Variants in PNMA8B observed in about 807,000 individuals in gnomAD.
PNMA8B encodes the protein paraneoplastic antigen-like protein 8B.
For synonymous variants in PNMA8B, 386 were observed against 394.9 expected, an observed-to-expected ratio of 0.98 and a Z score of 0.27; for missense variants, 887 against 885.8, an observed-to-expected ratio of 1.00 and a Z score of -0.02.
rs1970044533 is a variant in PNMA8B at position 46,493,807 on chromosome 19, G to A, written c.1659C>T (p.Thr553=). The change falls in exon 1 of 1, where the codon ACC becomes ACT. Residue 553 remains threonine, a synonymous_variant. Coordinates refer to ENST00000599531, the MANE Select transcript of PNMA8B (RefSeq NM_020709.3). The surrounding 1 kb of genome is among the most constrained non-coding windows in gnomAD (Gnocchi z 5.3). ...RGLTPAGAPP[T]ASGARKTRAG... is the part of the protein sequence containing the mutation. ...CGCGGGTTTTGCGGGCCCCGGAAGC[G>A]GTGGGAGGCGCGCCGGCCGGAGTCA... The A allele has an allele frequency of 2.9e-6, 4 of 1,364,760 alleles. No homozygotes were observed. The highest frequency in any genetic ancestry group is 3.7e-5 in the Admixed American group (1 of 26,814). The allele number at this position is 1,364,760 out of a possible 1,614,324, so 84.5% of individuals were successfully genotyped here. A position where few individuals can be genotyped will look rare whatever the true frequency, so the allele number is the denominator to read the frequency against.
In PNMA8B at chr19:46,494,136, C is replaced by T. The variant is rs1314045753; in HGVS notation, c.1330G>A (p.Asp444Asn). ...ACCAGCTCCAGAAGACCCCCTTCGT[C>T]CTCACGGTGCTCGCTCCAGCCCCCG... ...LFGGWSEHRE[D>N]EGGLLELVAL... The change falls in exon 1 of 1, where the codon GAC becomes AAC. Residue 444 changes from aspartate to asparagine, a missense_variant. Coordinates refer to ENST00000599531, the MANE Select transcript of PNMA8B (RefSeq NM_020709.3). The T allele has an allele frequency of 6.2e-7, 1 of 1,611,338 alleles. No individual in the cohort carries two copies. Among genetic ancestry groups the T allele is most frequent in the Non-Finnish European group, 8.5e-7 (1 of 1,179,866 alleles).
rs1175948580 is a variant in PNMA8B, at chr19:46,493,732, C to T, written c.1734G>A (p.Gly578=). 2.1e-5 allele frequency: 31 copies of T among 1,493,050 alleles called. No homozygotes were observed. The highest frequency in any genetic ancestry group is 2.7e-5 in the Non-Finnish European group (30 of 1,129,024). The allele number at this position is 1,493,050 out of a possible 1,614,324, so 92.5% of individuals were successfully genotyped here. A position where few individuals can be genotyped will look rare whatever the true frequency, so the allele number is the denominator to read the frequency against. The change falls in exon 1 of 1, where the codon GGG becomes GGA. Residue 578 remains glycine (G), a synonymous_variant. Transcript: ENST00000599531. This position sits in a 1 kb window ranked among gnomAD's most constrained non-coding sequence, Gnocchi z 5.3. Reference sequence around the variant, plus strand: ...CGTCGTCCTGGGCCGAGCCCCGGCTCCCGGCTTTCTTCTCGGGAGTGACGC... The same window carrying T: ...CGTCGTCCTGGGCCGAGCCCCGGCTTCCGGCTTTCTTCTCGGGAGTGACGC... ...GRGVTPEKKA[G]SRGSAQDDAA...
rs947531026 is a variant in PNMA8B at position 46,492,833 on chromosome 19, A to C, written c.*725T>G. 1 of 153,136 alleles carries C rather than the reference A, an allele frequency of 6.5e-6. No individual in the cohort carries two copies. The highest frequency in any genetic ancestry group is 2.4e-5 in the African/African-American group (1 of 41,498). The allele number at this position is 153,136 out of a possible 1,614,324, so 9.5% of individuals were successfully genotyped here. On this transcript the variant is annotated 3_prime_UTR_variant, in exon 1 of 1. Transcript: ENST00000599531. Reference sequence around the variant, plus strand: ...ACAAATTCAACTTGTGGTCAGGGGCAGGTGGCCTTGGCCTGGGGCTGGTTC... The same window carrying C: ...ACAAATTCAACTTGTGGTCAGGGGCCGGTGGCCTTGGCCTGGGGCTGGTTC...
chr19:46,491,800 C>G lies in PNMA8B; in HGVS notation c.*1758G>C, dbSNP rs1284307093. Reference sequence around the variant, plus strand: ...AGACCGTGGACATCTGTGGCCCACGCTCCCACACCCCGCCTGCCCCACTGC... The same window carrying G: ...AGACCGTGGACATCTGTGGCCCACGGTCCCACACCCCGCCTGCCCCACTGC... On this transcript the variant is annotated 3_prime_UTR_variant, in exon 1 of 1. Coordinates refer to ENST00000599531, the MANE Select transcript of PNMA8B (RefSeq NM_020709.3). The G allele has an allele frequency of 6.4e-6, 1 of 155,270 alleles. No homozygotes were observed. Among genetic ancestry groups the G allele is most frequent in the Admixed American group, 6.5e-5 (1 of 15,354 alleles). The allele number at this position is 155,270 out of a possible 1,614,324, so 9.6% of individuals were successfully genotyped here. A position where few individuals can be genotyped will look rare whatever the true frequency, so the allele number is the denominator to read the frequency against.
rs543855076 is a variant in PNMA8B at position 46,495,333 on chromosome 19, G to A, written c.133C>T (p.Pro45Ser). The change falls in exon 1 of 1, where the codon CCC becomes TCC. Residue 45 changes from proline (P) to serine (S), a missense_variant. Coordinates refer to ENST00000599531, the MANE Select transcript of PNMA8B (RefSeq NM_020709.3). ...VEAVLQPTLL[P>S]LGTFRLRHMK... ...TGTCGCAACCTGAACGTGCCCAGGGGCAGGAGGGTCGGCTGCAGGACGGCT... is the reference window on the plus strand; with the variant it reads ...TGTCGCAACCTGAACGTGCCCAGGGACAGGAGGGTCGGCTGCAGGACGGCT... The A allele has an allele frequency of 2.1e-5, 27 of 1,292,612 alleles. No homozygotes were observed. Among genetic ancestry groups the A allele is most frequent in the Middle Eastern group, 3.6e-4 (2 of 5,482 alleles). 80.1% of individuals were successfully genotyped at this position (1,292,612 alleles called of 1,614,324 possible). A position where few individuals can be genotyped will look rare whatever the true frequency, so the allele number is the denominator to read the frequency against.
Position 46,492,353 on chromosome 19 carries a change from C to A in PNMA8B, c.*1205G>T. The A allele has an allele frequency of 3.7e-6, 1 of 270,098 alleles. No individual in the cohort carries two copies. Among genetic ancestry groups the A allele is most frequent in the Admixed American group, 4.6e-5 (1 of 21,506 alleles). The allele number at this position is 270,098 out of a possible 1,614,324, so 16.7% of individuals were successfully genotyped here. On this transcript the variant is annotated 3_prime_UTR_variant, in exon 1 of 1. Transcript: ENST00000599531. ...GTTGCAGGAGCTGAAGCATACGGCA[C>A]GGCACGGCACAGACTCACATACAAC... is the stretch of plus-strand genomic sequence containing the variant.
rs1327080845 is a variant in PNMA8B, at chr19:46,494,248, C to T, written c.1218G>A (p.Gly406=). The stretch of plus-strand genomic sequence containing the variant: ...TGCACTCCCGGAGGTCCCCGTCATC[C>T]CCGGCCTTGCGCAGGACCACGGCGT... ...EVDAVVLRKA[G]DDGDLRECIS... Residue 406 remains glycine (G), a synonymous_variant, in exon 1 of 1, where the codon GGG becomes GGA. Coordinates refer to ENST00000599531, the MANE Select transcript of PNMA8B (RefSeq NM_020709.3). The T allele has an allele frequency of 6.2e-7, 1 of 1,609,476 alleles. No individual in the cohort carries two copies. Among genetic ancestry groups the T allele is most frequent in the Non-Finnish European group, 8.5e-7 (1 of 1,179,618 alleles).
rs1236369908 is a variant in PNMA8B at position 46,494,908 on chromosome 19, C to T, written c.558G>A (p.Pro186=). The T allele has an allele frequency of 5.6e-6, 9 of 1,611,736 alleles. No homozygotes were observed. The highest frequency in any genetic ancestry group is 7.6e-6 in the Non-Finnish European group (9 of 1,179,880). ...KGKKRSRGGR[P]SAPARSEAED... ...CGGCCTCACTCCTCGCGGGAGCAGA[C>T]GGCCGTCCTCCTCGGCTTCTCTTCT... The change falls in exon 1 of 1, where the codon CCG becomes CCA. Residue 186 remains proline, a synonymous_variant. Coordinates refer to ENST00000599531, the MANE Select transcript of PNMA8B (RefSeq NM_020709.3).
At position 46,493,508 on chromosome 19, in the gene PNMA8B, G is replaced by C; in HGVS notation, c.*50C>G. On this transcript the variant is annotated 3_prime_UTR_variant, in exon 1 of 1. Transcript: ENST00000599531. This position sits in a 1 kb window ranked among gnomAD's most constrained non-coding sequence, Gnocchi z 5.3. ...GGGAGGGCGGGGGCCACAGGCGGGC[G>C]GGTGCCCTGCGGGGCCTGCTCGCAG... The C allele has an allele frequency of 1.7e-6, 2 of 1,196,330 alleles. No homozygotes were observed. Among genetic ancestry groups the C allele is most frequent in the East Asian group, 3.2e-5 (1 of 31,452 alleles). The allele number at this position is 1,196,330 out of a possible 1,614,324, so 74.1% of individuals were successfully genotyped here.
At position 46,494,441 on chromosome 19, in the gene PNMA8B, G is replaced by A; in HGVS notation, c.1025C>T (p.Ser342Leu). The stretch of plus-strand genomic sequence containing the variant: ...CATCTCCTCCCGGGCCCAGGGGTCC[G>A]ACGGGTCGGTATAGGCCACAATGGC... ...FVAIVAYTDP[S>L]DPWAREEMLK... Residue 342 changes from serine (S) to leucine (L), a missense_variant, in exon 1 of 1, where the codon TCG (serine) becomes TTG (leucine). By Grantham distance (145) the Ser-to-Leu change is moderately radical. Transcript: ENST00000599531. The A allele has an allele frequency of 6.2e-7, 1 of 1,613,968 alleles. No homozygotes were observed. Among genetic ancestry groups the A allele is most frequent in the East Asian group, 2.2e-5 (1 of 44,882 alleles).
Position 46,495,682 on chromosome 19 carries a change from C to T in PNMA8B, c.-217G>A. 1.7e-6 allele frequency: 1 copy of T among 590,562 alleles called. No individual in the cohort carries two copies. Among genetic ancestry groups the T allele is most frequent in the Non-Finnish European group, 3.0e-6 (1 of 328,974 alleles). 36.6% of individuals were successfully genotyped at this position (590,562 alleles called of 1,614,324 possible). Reference sequence around the variant, plus strand: ...AGTGACCTTCCCCCGGGACCCCTCTCCAGAGCTGTCTGAGGATCCGCGGGG... The same window carrying T: ...AGTGACCTTCCCCCGGGACCCCTCTTCAGAGCTGTCTGAGGATCCGCGGGG... On this transcript the variant is annotated 5_prime_UTR_variant, in exon 1 of 1. Transcript: ENST00000599531.
chr19:46,493,919 T>C lies in PNMA8B; in HGVS notation c.1547A>G (p.Glu516Gly). ...ASDEQSEEES[E>G]DTESEASEPE... ...CTCCGACGCCTCGCTCTCGGTGTCC[T>C]CCGACTCCTCCTCGGACTGTTCGTC... The change falls in exon 1 of 1, where the codon GAG (glutamate) becomes GGG (glycine). Residue 516 changes from glutamate to glycine, a missense_variant. Coordinates refer to ENST00000599531, the MANE Select transcript of PNMA8B (RefSeq NM_020709.3). This position sits in a 1 kb window ranked among gnomAD's most constrained non-coding sequence, Gnocchi z 5.3. 5 of 1,589,406 alleles carry C rather than the reference T, an allele frequency of 3.1e-6. No homozygotes were observed. The highest frequency in any genetic ancestry group is 4.3e-6 in the Non-Finnish European group (5 of 1,168,114).
In PNMA8B at chr19:46,493,606, G is replaced by A; in HGVS notation, c.1860C>T (p.Arg620=). 1.3e-6 allele frequency: 2 copies of A among 1,492,594 alleles called. No individual in the cohort carries two copies. The highest frequency in any genetic ancestry group is 1.8e-6 in the Non-Finnish European group (2 of 1,132,274). The allele number at this position is 1,492,594 out of a possible 1,614,324, so 92.5% of individuals were successfully genotyped here. The stretch of plus-strand genomic sequence containing the variant: ...TCCGGCCCCGACGGGCCTTCTTCCC[G>A]CGCGCGGCCTTGGATCCAGTGGGCG... The part of the protein sequence containing the change: ...GQAPTGSKAA[R]GKKARRGRRL... Residue 620 remains arginine (R), a synonymous_variant, in exon 1 of 1, where the codon CGC becomes CGT. Coordinates refer to ENST00000599531, the MANE Select transcript of PNMA8B (RefSeq NM_020709.3). This position sits in a 1 kb window ranked among gnomAD's most constrained non-coding sequence, Gnocchi z 5.3.
Position 46,492,008 on chromosome 19 carries a change from G to A in PNMA8B, c.*1550C>T. The A allele has an allele frequency of 4.1e-6, 1 of 245,202 alleles. No individual in the cohort carries two copies. Among genetic ancestry groups the A allele is most frequent in the Admixed American group, 4.8e-5 (1 of 20,846 alleles). The allele number at this position is 245,202 out of a possible 1,614,324, so 15.2% of individuals were successfully genotyped here. The stretch of plus-strand genomic sequence containing the variant: ...GGTACACCCAGCCTGGTCCTCAGTG[G>A]GTGGGTCACTGTCCAGGGACAGCCT... On this transcript the variant is annotated 3_prime_UTR_variant, in exon 1 of 1. Transcript: ENST00000599531.
At position 46,495,548 on chromosome 19, in the gene PNMA8B, C is replaced by T. The variant is rs1036235763; in HGVS notation, c.-83G>A. 2.0e-6 allele frequency: 3 copies of T among 1,478,668 alleles called. No individual in the cohort carries two copies. The highest frequency in any genetic ancestry group is 1.4e-5 in the African/African-American group (1 of 71,014). The allele number at this position is 1,478,668 out of a possible 1,614,324, so 91.6% of individuals were successfully genotyped here. A position where few individuals can be genotyped will look rare whatever the true frequency, so the allele number is the denominator to read the frequency against. The stretch of plus-strand genomic sequence containing the variant: ...CTGCAGCGCACGGTGTCAATGCAAC[C>T]CTAGAAAGCCACTTGCAGGGCTTAG... On this transcript the variant is annotated 5_prime_UTR_variant, in exon 1 of 1. Transcript: ENST00000599531.
Position 46,495,618 on chromosome 19 carries a change from G to A in PNMA8B, c.-153C>T. The A allele has an allele frequency of 1.1e-6, 1 of 949,016 alleles. No homozygotes were observed. Among genetic ancestry groups the A allele is most frequent in the Non-Finnish European group, 1.5e-6 (1 of 647,804 alleles). The allele number at this position is 949,016 out of a possible 1,614,324, so 58.8% of individuals were successfully genotyped here. On this transcript the variant is annotated 5_prime_UTR_variant, in exon 1 of 1. Transcript: ENST00000599531. ...GTGGCAAGGCTGGAGTGGGGCTCGGGGCTCGGGGGCTCTAGCTGCCTGCTG... is the reference window on the plus strand; with the variant it reads ...GTGGCAAGGCTGGAGTGGGGCTCGGAGCTCGGGGGCTCTAGCTGCCTGCTG...
At position 46,492,158 on chromosome 19, in the gene PNMA8B, C is replaced by A. The variant is rs1392382192; in HGVS notation, c.*1400G>T. 2 of 442,008 alleles carry A rather than the reference C, an allele frequency of 4.5e-6. No individual in the cohort carries two copies. The highest frequency in any genetic ancestry group is 3.2e-5 in the South Asian group (2 of 62,560). The allele number at this position is 442,008 out of a possible 1,614,324, so 27.4% of individuals were successfully genotyped here. On this transcript the variant is annotated 3_prime_UTR_variant, in exon 1 of 1. Coordinates refer to ENST00000599531, the MANE Select transcript of PNMA8B (RefSeq NM_020709.3). Reference sequence around the variant, plus strand: ...GAGGTCACACCCAAACCCTCCTATTCCTTCCCAGGGACAAGTGGGGCAGGG... The same window carrying A: ...GAGGTCACACCCAAACCCTCCTATTACTTCCCAGGGACAAGTGGGGCAGGG...
chr19:46,494,053 G>A lies in PNMA8B; in HGVS notation c.1413C>T (p.Ala471=). 1.2e-6 allele frequency: 2 copies of A among 1,613,648 alleles called. No homozygotes were observed. Among genetic ancestry groups the A allele is most frequent in the African/African-American group, 1.3e-5 (1 of 75,034 alleles). Residue 471 remains alanine, a synonymous_variant, in exon 1 of 1, where the codon GCC becomes GCT. Coordinates refer to ENST00000599531, the MANE Select transcript of PNMA8B (RefSeq NM_020709.3). ...GGTATTTGTACTTCCCGCCTTCCCA[G>A]GCGTTTTCTTTTTCCTCCTTCATCA... is the stretch of plus-strand genomic sequence containing the variant. ...AEVMKEEKEN[A]WEGGKYKYPK... is the part of the protein sequence containing the mutation.
Position 46,493,905 on chromosome 19 carries a change from C to T in PNMA8B, c.1561G>A (p.Glu521Lys), listed in dbSNP as rs1350713169. 1 of 1,569,834 alleles carries T rather than the reference C, an allele frequency of 6.4e-7. No individual in the cohort carries two copies. The highest frequency in any genetic ancestry group is 1.4e-5 in the African/African-American group (1 of 72,698). ...GCCCTGTCCTCCGGCTCCGACGCCT[C>T]GCTCTCGGTGTCCTCCGACTCCTCC... is the stretch of plus-strand genomic sequence containing the variant. Reference protein sequence around the residue: ...SEEESEDTESEASEPEDRASR... With the variant: ...SEEESEDTESKASEPEDRASR... The change falls in exon 1 of 1, where the codon GAG becomes AAG. Residue 521 changes from glutamate (E) to lysine (K), a missense_variant. Transcript: ENST00000599531. This position sits in a 1 kb window ranked among gnomAD's most constrained non-coding sequence, Gnocchi z 5.3.
Sources: allele counts gnomAD v4.1 joint callset, GRCh38; gene constraint gnomAD v4.1.1; non-coding constraint Gnocchi (gnomAD v3.1); transcripts MANE v1.5; gene names NCBI Gene and HGNC (gene_info 2026-07-23, HGNC 2026-07-21).